TEX30: variants seen among roughly 807,000 people sequenced by gnomAD.
TEX30 encodes testis-expressed protein 30.
TEX30 carries 14 observed loss-of-function variants against 23.8 expected under a neutral mutation model. The observed-to-expected ratio is 0.59, with a 90% CI of 0.39 to 0.92. TEX30 has a LOEUF of 0.92. Among genes scored for constraint, TEX30 ranks in the 40% least tolerant of loss-of-function variants. TEX30 has a pLI of 0.00. For missense variants in TEX30, 246 were observed against 270.6 expected (o/e 0.91, Z 0.64); for synonymous variants, 78 against 90.2 (o/e 0.87, Z 0.76).
intron 3 of TEX30, among the ~76,000 whole-genome samples, chr13:102,769,030 T>A (rs1001824745): frequency 6.6e-6 from 1 of 152,158 alleles, no homozygotes; most frequent in Non-Finnish European, 1.5e-5. Flanking sequence ...AATGCCAAAA[T>A]GATGTGCTAA....
intron 5 of TEX30, 54 bp downstream of exon 5, chr13:102,767,219 A>G (rs950641216): frequency 1.3e-6 from 2 of 1,560,476 alleles, no homozygotes; most frequent in East Asian, 2.3e-5. Context: ...TGCTCCCAAG[A>G]TATGTCTGCC....
chr13:102,772,351 T>G (rs1224675609), intron 1 of TEX30, among the ~76,000 whole-genome samples: 1 of 152,138 alleles, frequency 6.6e-6, no homozygotes, highest in Non-Finnish European at 1.5e-5. Flanking sequence ...CTCCCTATGT[T>G]TCGCAGGCTG....
At position 102,766,224 on chromosome 13, in the gene TEX30, C is replaced by T. The variant is rs184828755; in HGVS notation, c.*177G>A. 16 of 494,842 alleles carry T rather than the reference C, an allele frequency of 3.2e-5. No homozygotes were observed. In the East Asian group the frequency reaches 5.3e-4, roughly 16 times the overall value. The allele number at this position is 494,842 out of a possible 1,614,324, so 30.7% of individuals were successfully genotyped here. ...TTACATCATCTTTATACAACTGTAA[C>T]AGTGCTTTCAAAAGACATTTTGTGA... On this transcript the variant is annotated 3_prime_UTR_variant, in exon 6 of 6. Transcript: ENST00000376032.
intron 1 of TEX30, among the ~76,000 whole-genome samples, chr13:102,771,908 C>T (rs1280786909): frequency 2.0e-5 from 3 of 152,216 alleles, no homozygotes; most frequent in Admixed American, 6.5e-5. Context: ...CCACCGCTGT[C>T]CAGTGCTGCC....
intron 5 of TEX30, 40 bp from the exon 6 acceptor site, chr13:102,766,620 T>C (rs1876906059): frequency 6.4e-7 from 1 of 1,564,004 alleles, no homozygotes; most frequent in Non-Finnish European, 8.7e-7. Context: ...TAATGTTCTG[T>C]TGATATTTAA....
At chr13:102,768,395 G>T in intron 3 of TEX30, 84 bp from the exon 4 acceptor site, 3 of 941,688 alleles carry the variant, frequency 3.2e-6, no homozygotes, top group Non-Finnish European at 4.7e-6. Context: ...CATCATTACT[G>T]AAATGTATGA....
rs2139029304 is a variant in TEX30 at position 102,768,085 on chromosome 13, G to A, written c.298+175C>T. On this transcript the variant is annotated intron_variant, in intron 4 of 5. Transcript: ENST00000376032. ...GGCTCAGATTATAATACATATACAT[G>A]AGGTTCAAGTTTGCTCTAAGTATAT... Among the ~76,000 whole-genome samples the A allele has an allele frequency of 1.3e-5, 2 of 152,200 alleles. 1 individual carries two copies. Among genetic ancestry groups the A allele is most frequent in the Middle Eastern group, 6.8e-3 (2 of 292 alleles).
chr13:102,769,604 G>T, intron 2 of TEX30, 63 bp from the exon 3 acceptor site: 2 of 967,968 alleles, frequency 2.1e-6, no homozygotes, highest in Non-Finnish European at 3.1e-6. Context: ...CAACTGAACA[G>T]CTATATATAT....
At position 102,773,728 on chromosome 13, in the gene TEX30, T is replaced by C. The variant is rs1258097715; in HGVS notation, c.-107A>G. The C allele has an allele frequency of 6.6e-6, 1 of 152,126 alleles. No homozygotes were observed. The highest frequency in any genetic ancestry group is 1.5e-5 in the Non-Finnish European group (1 of 67,998). The allele number at this position is 152,126 out of a possible 1,614,324, so 9.4% of individuals were successfully genotyped here. The stretch of plus-strand genomic sequence containing the variant: ...CGGGCACCCAACCGCCGTCACTCCC[T>C]TCAGGGAGCTGACTAGCGCGCTCGA... On this transcript the variant is annotated 5_prime_UTR_variant, in exon 1 of 6. Transcript: ENST00000376032.
At chr13:102,769,626 G>A in intron 2 of TEX30, 85 bp from the exon 3 acceptor site, 1 of 797,274 alleles carries the variant, frequency 1.3e-6, no homozygotes, top group East Asian at 2.9e-5. Context: ...TTTGCTCTGT[G>A]AGGCTCATAA....
chr13:102,767,544 G>A (rs1876993007), intron 4 of TEX30, 66 bp from the exon 5 acceptor site: 2 of 1,488,076 alleles, frequency 1.3e-6, no homozygotes, highest in Non-Finnish European at 1.8e-6. Flanking sequence ...CAGTGATGGT[G>A]TGGCAAATTG....
At chr13:102,769,573 T>A in intron 2 of TEX30, 32 bp from the exon 3 acceptor site, 1 of 1,403,166 alleles carries the variant, frequency 7.1e-7, no homozygotes, top group Non-Finnish European at 9.8e-7. Context: ...GGATCAAAAA[T>A]TACTTTCTTG....
intron 3 of TEX30, among the ~76,000 whole-genome samples, chr13:102,769,068 A>AT (rs1877109341): frequency 6.6e-6 from 1 of 152,250 alleles, no homozygotes; most frequent in Admixed American, 6.5e-5. Context: ...GAGAAAAATC[A>AT]TAAGTAGCTT....
At chr13:102,769,928 A>G in intron 2 of TEX30, 84 bp downstream of exon 2, 1 of 1,231,480 alleles carries the variant, frequency 8.1e-7, no homozygotes, top group Non-Finnish European at 1.1e-6. Flanking sequence ...TGAAAGTTGA[A>G]AATAAAATTA....
chr13:102,767,585 C>A, intron 4 of TEX30, 107 bp from the exon 5 acceptor site: 3 of 1,175,922 alleles, frequency 2.6e-6, no homozygotes, highest in Non-Finnish European at 3.6e-6. Context: ...ATCTGTTTAC[C>A]AACAAATTAA....
intron 1 of TEX30, among the ~76,000 whole-genome samples, chr13:102,772,736 C>T (rs1877411586): frequency 1.3e-5 from 2 of 152,284 alleles, no homozygotes; most frequent in South Asian, 4.1e-4. Flanking sequence ...CCACCGCGCC[C>T]AGCTAATTTT....
Position 102,770,073 on chromosome 13 carries a change from C to T in TEX30, c.-47G>A, listed in dbSNP as rs377214749. ...TTAAAGTGCATTTACATCTGAGAAG[C>T]AAAGGACATCTCCCTGAAAAGAAGA... On this transcript the variant is annotated 5_prime_UTR_variant, in exon 2 of 6. Transcript: ENST00000376032. 1.3e-5 allele frequency: 17 copies of T among 1,290,778 alleles called. No individual in the cohort carries two copies. Among genetic ancestry groups the T allele is most frequent in the Non-Finnish European group, 1.7e-5 (17 of 996,636 alleles). 80.0% of individuals were successfully genotyped at this position (1,290,778 alleles called of 1,614,324 possible).
chr13:102,771,855 C>A (rs1877345271), intron 1 of TEX30, among the ~76,000 whole-genome samples: 1 of 152,194 alleles, frequency 6.6e-6, no homozygotes, highest in Non-Finnish European at 1.5e-5. Flanking sequence ...TCTTTAAGCT[C>A]CTTACACCCA....
intron 1 of TEX30, chr13:102,770,412 CTA>C (rs111812068): frequency 0.022 from 3,508 of 159,132 alleles, 120 homozygotes; most frequent in African/African-American, 0.075. Flanking sequence ...AATCTTCATT[CTA>C]AACCAACTAT....
Sources: allele counts gnomAD v4.1 joint callset (sites outside exome capture counted in the v4.1 genomes callset), GRCh38; gene constraint gnomAD v4.1.1; transcripts MANE v1.5; gene names NCBI Gene and HGNC (gene_info 2026-07-23, HGNC 2026-07-21).